MELK: variants seen among roughly 807,000 people sequenced by gnomAD.
MELK encodes pEg3 kinase.
MELK carries 81 observed loss-of-function variants against 85.0 expected under a neutral mutation model. The ratio of observed to expected loss-of-function variants is 0.95; its 90% CI spans 0.80 to 1.15. The LOEUF is 1.15. MELK is among the 50% of genes most tolerant of loss of function. The probability of loss-of-function intolerance (pLI) is 0.00; values close to 1 mark genes in which losing one functional copy is unlikely to be tolerated. For missense variants in MELK, 754 were observed against 777.5 expected (o/e 0.97, Z 0.36); for synonymous variants, 252 against 265.0 (o/e 0.95, Z 0.48).
intron 8 of MELK, among the ~76,000 whole-genome samples, chr9:36,622,475 T>G (rs1202617416): frequency 6.6e-6 from 1 of 152,256 alleles, no homozygotes; most frequent in Non-Finnish European, 1.5e-5. Context: ...TTGCATTTGT[T>G]GACTATTTTA....
intron 13 of MELK, among the ~76,000 whole-genome samples, chr9:36,661,656 G>A (rs1208136593): frequency 6.6e-6 from 1 of 152,028 alleles, no homozygotes; most frequent in Non-Finnish European, 1.5e-5. Flanking sequence ...ACATAGCTAG[G>A]CCGGGCGCGG....
chr9:36,620,207 A>G (rs1441492952), intron 8 of MELK, among the ~76,000 whole-genome samples: 3 of 152,206 alleles, frequency 2.0e-5, no homozygotes, highest in African/African-American at 7.2e-5. Flanking sequence ...CTAGTCACCT[A>G]AGAATCACAG....
intron 11 of MELK, among the ~76,000 whole-genome samples, chr9:36,648,440 A>G (rs2137119993): frequency 6.6e-6 from 1 of 152,316 alleles, no homozygotes; most frequent in East Asian, 1.9e-4. Flanking sequence ...AGAACCCTAG[A>G]TTCCTTTCTC....
intron 11 of MELK, among the ~76,000 whole-genome samples, chr9:36,644,370 T>C (rs918634244): frequency 6.6e-6 from 1 of 152,170 alleles, no homozygotes; most frequent in Non-Finnish European, 1.5e-5. Context: ...GCTTTATCTG[T>C]TCTTTAACTT....
At chr9:36,674,778 T>C in intron 16 of MELK, 56 bp from the exon 17 acceptor site, 5 of 1,001,136 alleles carry the variant, frequency 5.0e-6, no homozygotes, top group Non-Finnish European at 7.8e-6. Context: ...TCTGGTGTGA[T>C]GGTCTTTGTG....
At position 36,584,014 on chromosome 9, in the gene MELK, A is replaced by AT. The variant is rs893169649; in HGVS notation, c.144+311dup. On this transcript the variant is annotated intron_variant, in intron 3 of 17. Coordinates refer to ENST00000298048, the MANE Select transcript of MELK (RefSeq NM_014791.4). Reference sequence around the variant, plus strand: ...TCTTTTCTTTTCTTTATTATTTTTTATTTTTTTTTGAGACGGAGTCTCGCT... The same window carrying AT: ...TCTTTTCTTTTCTTTATTATTTTTTATTTTTTTTTTGAGACGGAGTCTCGCT... Among the ~76,000 whole-genome samples the AT allele has an allele frequency of 3.3e-4, 50 of 150,232 alleles. No homozygotes were observed. In the South Asian group the frequency reaches 8.0e-3, roughly 24 times the overall value.
At chr9:36,675,238 C>T (rs1358343881) in intron 17 of MELK, among the ~76,000 whole-genome samples, 1 of 152,106 alleles carries the variant, frequency 6.6e-6, no homozygotes, top group Non-Finnish European at 1.5e-5. Flanking sequence ...GAGCTGAGAT[C>T]ACACCACTGC....
chr9:36,661,476 T>A (rs1171997303), intron 13 of MELK, among the ~76,000 whole-genome samples: 1 of 152,092 alleles, frequency 6.6e-6, no homozygotes, highest in Non-Finnish European at 1.5e-5. Context: ...GGGGCAAGAA[T>A]AACTAAATCA....
chr9:36,578,867 G>A (rs1183458885), intron 1 of MELK, among the ~76,000 whole-genome samples: 1 of 152,054 alleles, frequency 6.6e-6, no homozygotes, highest in East Asian at 1.9e-4. Context: ...TTTTGAGACA[G>A]AATCTTGCTT....
intron 1 of MELK, among the ~76,000 whole-genome samples, chr9:36,579,840 C>CA (rs1483297814): frequency 6.6e-6 from 1 of 152,112 alleles, no homozygotes; most frequent in East Asian, 1.9e-4. Context: ...CTCAGGGAGA[C>CA]AAAATCAATA....
intron 3 of MELK, among the ~76,000 whole-genome samples, chr9:36,584,281 A>C (rs1822598093): frequency 6.8e-6 from 1 of 147,616 alleles, no homozygotes; most frequent in Non-Finnish European, 1.5e-5. Flanking sequence ...CTGGGATTAC[A>C]GTCGTGAGCC....
chr9:36,614,418 T>G (rs765393556), intron 8 of MELK, among the ~76,000 whole-genome samples: 55 of 71,332 alleles, frequency 7.7e-4, no homozygotes, highest in Non-Finnish European at 1.3e-3. Flanking sequence ...TAAAAAATTA[T>G]TTTTGGGTTT....
chr9:36,627,754 C>T (rs745828170), intron 8 of MELK, among the ~76,000 whole-genome samples: 6 of 148,278 alleles, frequency 4.0e-5, no homozygotes, highest in East Asian at 4.1e-4. Flanking sequence ...CTCAAACTTC[C>T]GACCTCAGGT....
intron 5 of MELK, among the ~76,000 whole-genome samples, chr9:36,594,973 C>G (rs964838805): frequency 1.2e-4 from 17 of 146,670 alleles, no homozygotes; most frequent in Admixed American, 2.1e-4. Context: ...GTCACCCAGG[C>G]TATAGTGCAG....
At chr9:36,615,503 C>A (rs1364027440) in intron 8 of MELK, among the ~76,000 whole-genome samples, 4 of 136,428 alleles carry the variant, frequency 2.9e-5, no homozygotes, top group East Asian at 4.3e-4. Context: ...GACCCCCCCC[C>A]ACCTCCCTCC....
chr9:36,631,590 T>A (rs1471828726), intron 9 of MELK, among the ~76,000 whole-genome samples: 1 of 151,782 alleles, frequency 6.6e-6, no homozygotes, highest in Non-Finnish European at 1.5e-5. Context: ...AAAAAAAAAT[T>A]TTATAGACAG....
At chr9:36,652,063 T>TG (rs1830763224) in intron 12 of MELK, among the ~76,000 whole-genome samples, 186 bp downstream of exon 12, 1 of 148,208 alleles carries the variant, frequency 6.7e-6, no homozygotes, top group African/African-American at 2.5e-5. Context: ...TTTTTTTTTT[T>TG]TGAGATAGAG....
intron 10 of MELK, among the ~76,000 whole-genome samples, chr9:36,639,444 C>T (rs1373543706): frequency 6.6e-6 from 1 of 152,146 alleles, no homozygotes; most frequent in Non-Finnish European, 1.5e-5. Context: ...TACGCATGAT[C>T]GCCTCCTACC....
intron 8 of MELK, among the ~76,000 whole-genome samples, chr9:36,624,325 T>C (rs923731630): frequency 3.3e-5 from 5 of 152,204 alleles, no homozygotes; most frequent in Non-Finnish European, 7.3e-5. Context: ...TATAAGGTCA[T>C]ACAGCTAGTA....
Sources: gnomAD v4.1 joint callset for allele counts (sites outside exome capture counted in the v4.1 genomes callset) on GRCh38, gnomAD v4.1.1 for gene constraint, MANE v1.5 for transcripts, NCBI Gene and HGNC (gene_info 2026-07-23, HGNC 2026-07-21) for gene names.